LDB1: variants seen among roughly 807,000 people sequenced by gnomAD.
The protein encoded by LDB1 is LIM domain-binding protein 1.
LDB1 carries 6 observed loss-of-function variants against 49.7 expected under a neutral mutation model. The observed-to-expected ratio is 0.12, with a 90% confidence interval of 0.07 to 0.24. The LOEUF (loss-of-function observed/expected upper bound fraction) is 0.24. Among genes scored for constraint, LDB1 ranks in the 10% least tolerant of loss-of-function variants. The pLI, the probability that LDB1 is intolerant of heterozygous loss-of-function variation, is 1.00. For missense variants in LDB1, 341 were observed against 561.7 expected (o/e 0.61, Z 3.97); for synonymous variants, 233 against 202.0 (o/e 1.15, Z -1.30).
rs1258594883 is a variant in LDB1, at chr10:102,109,542, C to CA, written c.733-36dup. 1 of 1,613,936 alleles carries CA rather than the reference C, an allele frequency of 6.2e-7. No homozygotes were observed. The highest frequency in any genetic ancestry group is 1.3e-5 in the African/African-American group (1 of 74,858). ...GACAAGGAGGTGGCTTGTCAGGGGA[C>CA]AGACATGGAGCCGAGACTAAATGGA... On this transcript the variant is annotated intron_variant, in intron 8 of 10. Coordinates refer to ENST00000673968, the MANE Select transcript of LDB1 (RefSeq NM_001113407.3). This position sits in a 1 kb window ranked among gnomAD's most constrained non-coding sequence, Gnocchi z 5.8.
Position 102,109,198 on chromosome 10 carries a change from T to A in LDB1, c.857-21A>T, listed in dbSNP as rs777249326. The A allele has an allele frequency of 9.3e-6, 15 of 1,612,698 alleles. No individual in the cohort carries two copies. The highest frequency in any genetic ancestry group is 1.2e-5 in the Non-Finnish European group (14 of 1,179,844). ...CTCCGCTGTGCCGGTAAACGGAGAC[T>A]CAGATGGGAGAGGGCCCCAGGTCCC... On this transcript the variant is annotated intron_variant, in intron 9 of 10. Coordinates refer to ENST00000673968, the MANE Select transcript of LDB1 (RefSeq NM_001113407.3). This position sits in a 1 kb window ranked among gnomAD's most constrained non-coding sequence, Gnocchi z 5.8.
chr10:102,120,440 CCT>C, upstream of LDB1: 3 of 969,782 alleles, frequency 3.1e-6, no homozygotes, highest in Non-Finnish European at 3.7e-6. Flanking sequence ...CGAGCGCCCC[CCT>C]CTCCGCCCTC....
At position 102,107,441 on chromosome 10, in the gene LDB1, A is replaced by G. The variant is rs1253881777; in HGVS notation, c.*652T>C. The G allele has an allele frequency of 6.6e-6, 1 of 152,374 alleles. No homozygotes were observed. The highest frequency in any genetic ancestry group is 1.5e-5 in the Non-Finnish European group (1 of 68,394). 9.4% of individuals were successfully genotyped at this position (152,374 alleles called of 1,614,324 possible). On this transcript the variant is annotated 3_prime_UTR_variant, in exon 11 of 11. Coordinates refer to ENST00000673968, the MANE Select transcript of LDB1 (RefSeq NM_001113407.3). ...GGTCTGAAGCTCTCACACCATATAA[A>G]ATGGTATGCACACCTCCCTCCCCCA... is the stretch of plus-strand genomic sequence containing the variant.
In LDB1 at chr10:102,111,230, C is replaced by T. The variant is rs765185793; in HGVS notation, c.173+26G>A. On this transcript the variant is annotated intron_variant, in intron 3 of 10. Transcript: ENST00000673968. ...TCGGCCTTCACCCAGTGGAAAGCAC[C>T]TTCTTCCCCACTGGACTCCACTTAC... is the stretch of plus-strand genomic sequence containing the variant. 3 of 1,613,534 alleles carry T rather than the reference C, an allele frequency of 1.9e-6. No individual in the cohort carries two copies. The South Asian group carries it at 3.3e-5, about 18-fold the overall frequency.
At chr10:102,110,454 T>C in intron 6 of LDB1, 75 bp downstream of exon 6, 1 of 1,447,482 alleles carries the variant, frequency 6.9e-7, no homozygotes, top group East Asian at 2.3e-5. Flanking sequence ...GGAACAGCTG[T>C]GAGTATACAC....
chr10:102,107,863 A>G lies in LDB1; in HGVS notation c.*230T>C. ...AGGCCCAGGTTCCAAGTAGGCATCCACATGAGTACCCCCTCCCCCTAAAAG... is the reference window on the plus strand; with the variant it reads ...AGGCCCAGGTTCCAAGTAGGCATCCGCATGAGTACCCCCTCCCCCTAAAAG... On this transcript the variant is annotated 3_prime_UTR_variant, in exon 11 of 11. Transcript: ENST00000673968. 3.4e-6 allele frequency: 2 copies of G among 582,054 alleles called. No individual in the cohort carries two copies. The highest frequency in any genetic ancestry group is 6.1e-5 in the Admixed American group (2 of 32,598). The allele number at this position is 582,054 out of a possible 1,614,324, so 36.1% of individuals were successfully genotyped here. A position where few individuals can be genotyped will look rare whatever the true frequency, so the allele number is the denominator to read the frequency against.
Position 102,109,906 on chromosome 10 carries a change from C to T in LDB1, c.648+15G>A, listed in dbSNP as rs377193485. Reference sequence around the variant, plus strand: ...TGCCTTCACTCTTGCATCCTGGGTCCTGCCCACGACTCACATGCATGGCAA... The same window carrying T: ...TGCCTTCACTCTTGCATCCTGGGTCTTGCCCACGACTCACATGCATGGCAA... On this transcript the variant is annotated intron_variant, in intron 7 of 10. Transcript: ENST00000673968. The surrounding 1 kb of genome is among the most constrained non-coding windows in gnomAD (Gnocchi z 5.8). 3.1e-6 allele frequency: 5 copies of T among 1,605,846 alleles called. No individual in the cohort carries two copies. In the African/African-American group the frequency reaches 6.7e-5, roughly 21 times the overall value.
At position 102,110,333 on chromosome 10, in the gene LDB1, A is replaced by G; in HGVS notation, c.525+196T>C. 3 of 650,810 alleles carry G rather than the reference A, an allele frequency of 4.6e-6. No individual in the cohort carries two copies. In the South Asian group the frequency reaches 5.9e-5, roughly 13 times the overall value. 40.3% of individuals were successfully genotyped at this position (650,810 alleles called of 1,614,324 possible). ...AGGGCAGACTCTTGTTCACTCGTGT[A>G]GCCTTGGGGCCCAGAAAACTATCCC... On this transcript the variant is annotated intron_variant, in intron 6 of 10. Transcript: ENST00000673968.
chr10:102,120,624 G>A (rs2068407909), upstream of LDB1, among the ~76,000 whole-genome samples: 1 of 152,172 alleles, frequency 6.6e-6, no homozygotes, highest in South Asian at 2.1e-4. Context: ...GGCGGGCGGC[G>A]AGGGGCTGGG....
chr10:102,116,394 T>G (rs2068336904), intron 1 of LDB1, among the ~76,000 whole-genome samples: 1 of 152,200 alleles, frequency 6.6e-6, no homozygotes, highest in Non-Finnish European at 1.5e-5. Flanking sequence ...TTGGCCAGGC[T>G]GGTCTCGAAC....
intron 10 of LDB1, 107 bp downstream of exon 10, chr10:102,108,922 G>C: frequency 1.4e-6 from 2 of 1,475,828 alleles, no homozygotes; most frequent in Non-Finnish European, 1.9e-6. Context: ...GAGTACATGA[G>C]AAAAACTGTC....
chr10:102,109,006 G>C lies in LDB1; in HGVS notation c.1005+23C>G. On this transcript the variant is annotated intron_variant, in intron 10 of 10. Coordinates refer to ENST00000673968, the MANE Select transcript of LDB1 (RefSeq NM_001113407.3). This position sits in a 1 kb window ranked among gnomAD's most constrained non-coding sequence, Gnocchi z 5.8. ...GTGAGTGGTGGGGCAGCCCAGAAGA[G>C]AGAAGAAAGCCGAGATGCTTACAGG... The C allele has an allele frequency of 6.2e-7, 1 of 1,614,230 alleles. No homozygotes were observed. Among genetic ancestry groups the C allele is most frequent in the South Asian group, 1.1e-5 (1 of 91,084 alleles).
At chr10:102,105,253 G>C (rs2068146752), downstream of LDB1, among the ~76,000 whole-genome samples, 1 of 152,182 alleles carries the variant, frequency 6.6e-6, no homozygotes, top group African/African-American at 2.4e-5. Flanking sequence ...ATCTACAAAG[G>C]AAGAGTTGGG....
downstream of LDB1, among the ~76,000 whole-genome samples, chr10:102,105,994 TAACC>T (rs556042470): frequency 4.1e-4 from 62 of 151,722 alleles, no homozygotes; most frequent in African/African-American, 1.4e-3. Flanking sequence ...ATAAACCAAC[TAACC>T]AACCAACATC....
At chr10:102,114,334 G>C in intron 1 of LDB1, 1 of 985,994 alleles carries the variant, frequency 1.0e-6, no homozygotes. Flanking sequence ...CCCCCAGCCC[G>C]CAGATCAGGC....
At chr10:102,114,422 G>GTTCTCA in intron 1 of LDB1, 4 of 986,464 alleles carry the variant, frequency 4.1e-6, no homozygotes, top group Non-Finnish European at 4.8e-6. Flanking sequence ...GAACTGAGGG[G>GTTCTCA]GCCAGGAGAG....
At chr10:102,103,238 G>T (rs990066164), downstream of LDB1, among the ~76,000 whole-genome samples, 2 of 152,126 alleles carry the variant, frequency 1.3e-5, no homozygotes, top group South Asian at 4.1e-4. Context: ...ATGTTGGCCA[G>T]ACTGGTCTCG....
In LDB1 at chr10:102,107,913, C is replaced by A; in HGVS notation, c.*180G>T. 1 of 644,942 alleles carries A rather than the reference C, an allele frequency of 1.6e-6. No individual in the cohort carries two copies. 40.0% of individuals were successfully genotyped at this position (644,942 alleles called of 1,614,324 possible). ...GGCTCTGTAGAGGCCAGGCCCAGCC[C>A]AGGGCCACTGGGGGGGCAAATCTTG... On this transcript the variant is annotated 3_prime_UTR_variant, in exon 11 of 11. Coordinates refer to ENST00000673968, the MANE Select transcript of LDB1 (RefSeq NM_001113407.3).
At chr10:102,120,398 T>G, upstream of LDB1, 1 of 983,458 alleles carries the variant, frequency 1.0e-6, no homozygotes, top group Non-Finnish European at 1.2e-6. Flanking sequence ...CGCGTGTGCG[T>G]GTGCGTGTCT....
Sources: allele counts gnomAD v4.1 joint callset (sites outside exome capture counted in the v4.1 genomes callset), GRCh38; gene constraint gnomAD v4.1.1; non-coding constraint Gnocchi (gnomAD v3.1); transcripts MANE v1.5; gene names NCBI Gene and HGNC (gene_info 2026-07-23, HGNC 2026-07-21).